Variants in CAMTA1 observed in about 807,000 individuals in gnomAD.
CAMTA1 encodes the protein calmodulin-binding transcription activator 1.
In CAMTA1, 27 loss-of-function variants were observed where a neutral mutation model predicts 170.9. That is an observed-to-expected ratio of 0.16 (90% CI 0.12 to 0.22). CAMTA1 has a LOEUF of 0.22. CAMTA1 is among the 10% of genes least tolerant of loss of function. The pLI is 1.00. For synonymous variants in CAMTA1, 833 were observed against 891.5 expected, an observed-to-expected ratio of 0.93 and a Z score of 1.17; for missense variants, 1,619 against 2,217.2, an observed-to-expected ratio of 0.73 and a Z score of 5.42.
intron 6 of CAMTA1, among the ~76,000 whole-genome samples, chr1:7,551,372 G>A (rs939932833): frequency 6.7e-6 from 1 of 148,338 alleles, no homozygotes; most frequent in African/African-American, 2.5e-5. Flanking sequence ...GCATGTGTGT[G>A]CACACACACA....
At chr1:7,718,174 C>T (rs1012605637) in intron 11 of CAMTA1, among the ~76,000 whole-genome samples, 2 of 146,510 alleles carry the variant, frequency 1.4e-5, no homozygotes, top group Admixed American at 6.7e-5. Context: ...AGAGCCTTGG[C>T]GCAGTCTTAG....
intron 5 of CAMTA1, among the ~76,000 whole-genome samples, chr1:7,346,107 A>C (rs897641218): frequency 6.6e-6 from 1 of 152,196 alleles, no homozygotes; most frequent in African/African-American, 2.4e-5. Flanking sequence ...TAGTGAAGTC[A>C]ATGTGTTTAT....
chr1:7,354,849 G>A (rs1015355914), intron 5 of CAMTA1, among the ~76,000 whole-genome samples: 1 of 152,092 alleles, frequency 6.6e-6, no homozygotes, highest in Admixed American at 6.6e-5. Context: ...ATGCTTGTTG[G>A]CTATGTGTAT....
At position 6,930,999 on chromosome 1, in the gene CAMTA1, T is replaced by C. The variant is rs373685474; in HGVS notation, c.234+105789T>C. Among the ~76,000 whole-genome samples, 128 of 152,330 alleles carry C rather than the reference T, an allele frequency of 8.4e-4. 1 individual carries two copies. In the South Asian group the frequency reaches 0.026, roughly 31 times the overall value. On this transcript the variant is annotated intron_variant, in intron 3 of 22. Transcript: ENST00000303635. Reference sequence around the variant, plus strand: ...TGAAATTCTAAAGCCACGGCTTTGATTCTTCTGTTCTCTGGTTCCTCATAA... The same window carrying C: ...TGAAATTCTAAAGCCACGGCTTTGACTCTTCTGTTCTCTGGTTCCTCATAA...
chr1:7,407,724 C>G (rs1419512636), intron 5 of CAMTA1, among the ~76,000 whole-genome samples: 1 of 152,104 alleles, frequency 6.6e-6, no homozygotes, highest in African/African-American at 2.4e-5. Flanking sequence ...AGGTCTCTGC[C>G]AGGCATGTTC....
At chr1:6,871,925 C>T in intron 3 of CAMTA1, 4 of 1,334,948 alleles carry the variant, frequency 3.0e-6, no homozygotes, top group South Asian at 2.0e-5. Flanking sequence ...GTGTAACACG[C>T]TGATTTCCTC....
intron 4 of CAMTA1, among the ~76,000 whole-genome samples, chr1:7,235,400 G>A (rs1663634757): frequency 6.6e-6 from 1 of 152,158 alleles, no homozygotes; most frequent in African/African-American, 2.4e-5. Context: ...TGAGGCGGGT[G>A]GATCATTTGA....
At chr1:7,203,581 G>A (rs1423462363) in intron 4 of CAMTA1, among the ~76,000 whole-genome samples, 2 of 149,802 alleles carry the variant, frequency 1.3e-5, no homozygotes, top group African/African-American at 4.9e-5. Flanking sequence ...TCTTGAGTCA[G>A]TTTTAGTAGT....
At chr1:7,332,561 C>T (rs1481984963) in intron 5 of CAMTA1, among the ~76,000 whole-genome samples, 3 of 152,250 alleles carry the variant, frequency 2.0e-5, no homozygotes, top group South Asian at 2.1e-4. Context: ...AGGAGCAGCC[C>T]GGAAGAAACC....
chr1:7,740,988 C>T (rs571532960), intron 16 of CAMTA1, among the ~76,000 whole-genome samples: 19 of 152,214 alleles, frequency 1.2e-4, no homozygotes, highest in African/African-American at 3.9e-4. Flanking sequence ...GTGGCAAAAC[C>T]GTTCATAGAG....
intron 5 of CAMTA1, among the ~76,000 whole-genome samples, chr1:7,328,919 C>T (rs887879339): frequency 6.6e-6 from 1 of 152,116 alleles, no homozygotes; most frequent in African/African-American, 2.4e-5. Flanking sequence ...ATTCCAATAT[C>T]TGAGTCTTGG....
intron 7 of CAMTA1, among the ~76,000 whole-genome samples, chr1:7,649,437 G>A (rs2095833352): frequency 6.6e-6 from 1 of 152,212 alleles, no homozygotes; most frequent in African/African-American, 2.4e-5. Flanking sequence ...TGAGGAGCAG[G>A]CAGGGCAGGT....
At chr1:7,679,826 C>A (rs1230641509) in intron 11 of CAMTA1, among the ~76,000 whole-genome samples, 1 of 152,362 alleles carries the variant, frequency 6.6e-6, no homozygotes, top group African/African-American at 2.4e-5. Context: ...GGGTCCACCT[C>A]GGCCCAGGGG....
At chr1:7,243,234 C>T (rs1189934187) in intron 4 of CAMTA1, among the ~76,000 whole-genome samples, 1 of 152,096 alleles carries the variant, frequency 6.6e-6, no homozygotes, top group East Asian at 1.9e-4. Flanking sequence ...GTGCTTCTTC[C>T]TTTCAAATAA....
intron 4 of CAMTA1, among the ~76,000 whole-genome samples, chr1:7,181,822 G>A (rs1652224284): frequency 6.6e-6 from 1 of 151,848 alleles, no homozygotes; most frequent in South Asian, 2.1e-4. Flanking sequence ...CCCAGAGAAA[G>A]TATCAGTAAG....
intron 11 of CAMTA1, among the ~76,000 whole-genome samples, chr1:7,695,589 G>C (rs1576950059): frequency 6.6e-6 from 1 of 152,108 alleles, no homozygotes; most frequent in East Asian, 1.9e-4. Context: ...TTAGGCCCTG[G>C]GGGGCAGCAG....
chr1:7,253,237 G>T (rs1029838209), intron 5 of CAMTA1, among the ~76,000 whole-genome samples: 4 of 152,220 alleles, frequency 2.6e-5, no homozygotes, highest in African/African-American at 9.6e-5. Context: ...GACTCTCAGA[G>T]AGCGAAGAGC....
intron 3 of CAMTA1, among the ~76,000 whole-genome samples, chr1:7,034,384 G>A (rs1008989252): frequency 6.6e-6 from 1 of 152,020 alleles, no homozygotes; most frequent in Admixed American, 6.5e-5. Context: ...TTGAACACCT[G>A]ACCTTGTGAT....
chr1:7,287,138 G>A (rs745342210), intron 5 of CAMTA1, among the ~76,000 whole-genome samples: 12 of 152,140 alleles, frequency 7.9e-5, no homozygotes, highest in African/African-American at 2.4e-4. Context: ...GGAAACACTC[G>A]GCAAGGAGAA....
Sources: gnomAD v4.1 joint callset for allele counts (sites outside exome capture counted in the v4.1 genomes callset) on GRCh38, gnomAD v4.1.1 for gene constraint, MANE v1.5 for transcripts, NCBI Gene and HGNC (gene_info 2026-07-23, HGNC 2026-07-21) for gene names.